Variants in TLE1 observed in about 807,000 individuals in gnomAD.
The protein encoded by TLE1 is TLE family member 1, transcriptional corepressor.
Under a neutral mutation model 89.8 loss-of-function variants are expected in TLE1, and 21 were observed. The observed-to-expected ratio is 0.23, with a 90% CI of 0.17 to 0.34. The LOEUF is 0.34. TLE1 is among the 10% of genes least tolerant of loss of function. TLE1 has a pLI of 1.00. For missense variants in TLE1, 795 were observed against 1,031.2 expected (o/e 0.77, Z 3.14); for synonymous variants, 447 against 407.6 (o/e 1.10, Z -1.16).
Position 81,591,155 on chromosome 9 carries a change from C to T in TLE1, c.1582-103G>A. The T allele has an allele frequency of 3.5e-6, 5 of 1,449,146 alleles. No individual in the cohort carries two copies. The Admixed American group carries it at 5.8e-5, about 17-fold the overall frequency. The allele number at this position is 1,449,146 out of a possible 1,614,324, so 89.8% of individuals were successfully genotyped here. ...GTTTTTTGAGTTAAGAGTGGTGTTT[C>T]ATGGACACTCTAACAGAGCAAGAGT... is the stretch of plus-strand genomic sequence containing the variant. On this transcript the variant is annotated intron_variant, in intron 15 of 19. Coordinates refer to ENST00000376499, the MANE Select transcript of TLE1 (RefSeq NM_005077.5).
chr9:81,592,314 G>C (rs564363035), intron 15 of TLE1, among the ~76,000 whole-genome samples: 2 of 152,132 alleles, frequency 1.3e-5, no homozygotes, highest in African/African-American at 4.8e-5. Context: ...GCCGAGATCC[G>C]GCCACTGCAC....
chr9:81,586,799 A>G (rs1828534239), intron 17 of TLE1, among the ~76,000 whole-genome samples: 1 of 152,374 alleles, frequency 6.6e-6, no homozygotes, highest in African/African-American at 2.4e-5. Context: ...AAAAAAAGGC[A>G]GAACAAAAAT....
chr9:81,610,420 C>A, intron 13 of TLE1, 124 bp from the exon 14 acceptor site: 1 of 718,064 alleles, frequency 1.4e-6, no homozygotes. Context: ...GTAACATGGC[C>A]TAGTGTTTTT....
At chr9:81,625,556 TAAAAC>T (rs1825792831) in intron 8 of TLE1, among the ~76,000 whole-genome samples, 1 of 149,154 alleles carries the variant, frequency 6.7e-6, no homozygotes, top group Non-Finnish European at 1.5e-5. Flanking sequence ...TCTTTTAAAA[TAAAAC>T]AAAACTAAAC....
intron 2 of TLE1, 33 bp from the exon 3 acceptor site, chr9:81,685,929 C>G: frequency 6.2e-7 from 1 of 1,608,778 alleles, no homozygotes; most frequent in Non-Finnish European, 8.5e-7. Flanking sequence ...TTAATGTAAA[C>G]ATTATGTCAC....
At chr9:81,642,802 C>A (rs972728936) in intron 6 of TLE1, among the ~76,000 whole-genome samples, 1 of 152,142 alleles carries the variant, frequency 6.6e-6, no homozygotes, top group Non-Finnish European at 1.5e-5. Flanking sequence ...GTGCTATTCA[C>A]GAGAGCCAAG....
intron 10 of TLE1, among the ~76,000 whole-genome samples, chr9:81,616,336 G>A (rs977114525): frequency 5.3e-5 from 8 of 151,860 alleles, no homozygotes; most frequent in African/African-American, 7.2e-5. Context: ...AAAAAACCCC[G>A]CAGTCATATC....
chr9:81,600,926 T>A lies in TLE1; in HGVS notation c.1332-7652A>T, dbSNP rs559413814. Among the ~76,000 whole-genome samples the A allele has an allele frequency of 5.3e-5, 8 of 152,344 alleles. No homozygotes were observed. In the South Asian group the frequency reaches 1.4e-3, roughly 28 times the overall value. On this transcript the variant is annotated intron_variant, in intron 14 of 19. Coordinates refer to ENST00000376499, the MANE Select transcript of TLE1 (RefSeq NM_005077.5). Reference sequence around the variant, plus strand: ...TGCTGCTCTCGATTATCAGTGCTACTGGTTCTCAGGCCTCAGCTTGGAGTA... The same window carrying A: ...TGCTGCTCTCGATTATCAGTGCTACAGGTTCTCAGGCCTCAGCTTGGAGTA...
intron 2 of TLE1, 23 bp downstream of exon 2, chr9:81,687,311 G>C: frequency 1.3e-6 from 2 of 1,583,816 alleles, no homozygotes; most frequent in Non-Finnish European, 1.7e-6. Context: ...GCGACCACTC[G>C]CATGGCGCGG....
At chr9:81,613,795 T>A (rs1824022466) in intron 11 of TLE1, among the ~76,000 whole-genome samples, 1 of 152,140 alleles carries the variant, frequency 6.6e-6, no homozygotes, top group Non-Finnish European at 1.5e-5. Context: ...ATCAGCCTTG[T>A]GGACTTTGGG....
intron 4 of TLE1, among the ~76,000 whole-genome samples, chr9:81,679,358 G>A (rs1443926524): frequency 1.3e-5 from 2 of 151,404 alleles, no homozygotes; most frequent in East Asian, 3.9e-4. Context: ...AACACAAGCA[G>A]CAAATCTGAA....
Position 81,610,258 on chromosome 9 carries a change from G to A in TLE1, c.1293C>T (p.Thr431=), listed in dbSNP as rs1312932627. ...GGATTCCTGCCAGGTTTGGAGGAAT[G>A]GTAGGTACTCTCATGTGAGGGGGAG... ...FDPPPHMRVP[T]IPPNLAGIPG... is the part of the protein sequence containing the mutation. The change falls in exon 14 of 20, where the codon ACC becomes ACT. Residue 431 remains threonine, a synonymous_variant. Transcript: ENST00000376499. The A allele has an allele frequency of 1.9e-6, 3 of 1,613,944 alleles. No individual in the cohort carries two copies. Among genetic ancestry groups the A allele is most frequent in the South Asian group, 1.1e-5 (1 of 91,010 alleles).
chr9:81,664,100 C>G (rs1831164156), intron 4 of TLE1, among the ~76,000 whole-genome samples: 1 of 152,038 alleles, frequency 6.6e-6, no homozygotes, highest in African/African-American at 2.4e-5. Context: ...TCTCTAGTTC[C>G]TGAAGATGAC....
chr9:81,677,437 C>T lies in TLE1; in HGVS notation c.234+8239G>A, dbSNP rs534798333. On this transcript the variant is annotated intron_variant, in intron 4 of 19. Coordinates refer to ENST00000376499, the MANE Select transcript of TLE1 (RefSeq NM_005077.5). ...AAAATTAGCCGGGCATCGTGGCAGA[C>T]GCCTGTAATTCCAGCTACTCAGCAG... 5.3e-5 allele frequency among the ~76,000 whole-genome samples: 8 copies of T among 150,874 alleles called. No homozygotes were observed. The South Asian group carries it at 1.3e-3, about 24-fold the overall frequency.
intron 4 of TLE1, among the ~76,000 whole-genome samples, chr9:81,659,534 G>A (rs1360887758): frequency 6.6e-6 from 1 of 152,168 alleles, no homozygotes; most frequent in Non-Finnish European, 1.5e-5. Context: ...AATGTAAGCA[G>A]CAGGATGAAG....
intron 8 of TLE1, among the ~76,000 whole-genome samples, chr9:81,624,337 A>C (rs1378114043): frequency 1.3e-5 from 2 of 152,154 alleles, no homozygotes; most frequent in African/African-American, 4.8e-5. Flanking sequence ...AGAACCCAAA[A>C]TTAACACTGA....
At chr9:81,643,530 C>T (rs928832464) in intron 6 of TLE1, among the ~76,000 whole-genome samples, 1 of 152,112 alleles carries the variant, frequency 6.6e-6, no homozygotes, top group Non-Finnish European at 1.5e-5. Context: ...GCCACCGCAC[C>T]CAGCCCTTTG....
intron 4 of TLE1, among the ~76,000 whole-genome samples, chr9:81,672,668 A>C (rs1221548114): frequency 1.3e-5 from 2 of 151,980 alleles, no homozygotes; most frequent in Admixed American, 6.6e-5. Flanking sequence ...CCCTCATCAA[A>C]ATGAAATTTT....
At chr9:81,587,522 A>T (rs1828688501) in intron 17 of TLE1, among the ~76,000 whole-genome samples, 159 bp downstream of exon 17, 1 of 152,104 alleles carries the variant, frequency 6.6e-6, no homozygotes, top group African/African-American at 2.4e-5. Flanking sequence ...GTGAAGGAGG[A>T]GGTGGTGGTC....
Sources: allele counts gnomAD v4.1 joint callset (sites outside exome capture counted in the v4.1 genomes callset), GRCh38; gene constraint gnomAD v4.1.1; transcripts MANE v1.5; gene names NCBI Gene and HGNC (gene_info 2026-07-23, HGNC 2026-07-21).